MTMR7: variants seen among roughly 807,000 people sequenced by gnomAD.
The protein encoded by MTMR7 is phosphatidylinositol-3-phosphate phosphatase MTMR7.
In MTMR7, 76 loss-of-function variants were observed where a neutral mutation model predicts 81.2. The ratio of observed to expected loss-of-function variants is 0.94; its 90% confidence interval spans 0.78 to 1.13. The LOEUF is 1.13. Ranked by LOEUF, MTMR7 falls within the 50% of genes most tolerant of loss-of-function variation. The pLI is 0.00. For synonymous variants in MTMR7, 372 were observed against 289.8 expected (o/e 1.28, Z -2.88); for missense variants, 1,044 against 820.0 (o/e 1.27, Z -3.34).
intron 5 of MTMR7, among the ~76,000 whole-genome samples, chr8:17,343,261 TACTAAAAATACAACAA>T (rs909931736): frequency 2.0e-5 from 3 of 151,946 alleles, no homozygotes; most frequent in African/African-American, 7.3e-5. Flanking sequence ...ACCCCATCAC[TACTAAAAATACAACAA>T]ACATTAGGTG....
intron 10 of MTMR7, among the ~76,000 whole-genome samples, chr8:17,308,502 T>C (rs1817611854): frequency 6.6e-6 from 1 of 152,216 alleles, no homozygotes; most frequent in African/African-American, 2.4e-5. Flanking sequence ...ACTTGAGCAG[T>C]TGCATGCATT....
At chr8:17,314,428 ATGGGGAAGG>A (rs984023939) in intron 7 of MTMR7, among the ~76,000 whole-genome samples, 1 of 152,198 alleles carries the variant, frequency 6.6e-6, no homozygotes, top group Non-Finnish European at 1.5e-5. Flanking sequence ...CATTTTTAAA[ATGGGGAAGG>A]TGTATAAATT....
intron 3 of MTMR7, among the ~76,000 whole-genome samples, chr8:17,366,532 A>G (rs1820228432): frequency 6.6e-6 from 1 of 152,168 alleles, no homozygotes; most frequent in African/African-American, 2.4e-5. Flanking sequence ...TTTAATAACC[A>G]AAGTAACTAC....
chr8:17,404,528 T>C (rs188305263), intron 1 of MTMR7, among the ~76,000 whole-genome samples: 21 of 150,112 alleles, frequency 1.4e-4, no homozygotes, highest in Middle Eastern at 3.4e-3. Flanking sequence ...TTACAAACAA[T>C]TGCAAAAAAT....
At chr8:17,401,976 G>C (rs1272856988) in intron 1 of MTMR7, among the ~76,000 whole-genome samples, 2 of 152,018 alleles carry the variant, frequency 1.3e-5, no homozygotes, top group African/African-American at 4.8e-5. Flanking sequence ...ATTTTATAGG[G>C]TTATTTTTTA....
At position 17,348,971 on chromosome 8, in the gene MTMR7, G is replaced by T. The variant is rs758452565; in HGVS notation, c.579C>A (p.Tyr193Ter). ...GACTTACGTGGTTATCTTTATAATA[G>T]TAAGAAAGGACAGGAAATCGCCGTC... Reference protein sequence around the residue: ...RSRRRFPVLSYYYKDNHASIC... With the variant: ...RSRRRFPVLS The change falls in exon 5 of 14, where the codon TAC (tyrosine) becomes TAA (stop). Residue 193 changes from tyrosine to a stop codon, truncating the protein, a stop_gained. Coordinates refer to ENST00000180173, the MANE Select transcript of MTMR7 (RefSeq NM_004686.5). LOFTEE classifies it high-confidence loss of function. The T allele has an allele frequency of 2.5e-6, 4 of 1,613,520 alleles. No homozygotes were observed. The East Asian group carries it at 6.7e-5, about 27-fold the overall frequency.
intron 1 of MTMR7, among the ~76,000 whole-genome samples, chr8:17,392,565 T>A (rs925390979): frequency 2.0e-5 from 3 of 152,248 alleles, no homozygotes; most frequent in Non-Finnish European, 4.4e-5. Context: ...CTTTCAGGAA[T>A]CTAGGGCGAT....
intron 1 of MTMR7, among the ~76,000 whole-genome samples, chr8:17,381,071 CA>C (rs907204930): frequency 6.6e-6 from 1 of 151,020 alleles, no homozygotes; most frequent in Non-Finnish European, 1.5e-5. Context: ...TCAGGTTCCG[CA>C]AAAAAAAGCA....
Position 17,308,252 on chromosome 8 carries a change from A to G in MTMR7, c.1151+1025T>C, listed in dbSNP as rs1013515674. Among the ~76,000 whole-genome samples the G allele has an allele frequency of 1.7e-4, 26 of 152,136 alleles. No homozygotes were observed. In the East Asian group the frequency reaches 3.7e-3, roughly 22 times the overall value. On this transcript the variant is annotated intron_variant, in intron 10 of 13. Transcript: ENST00000180173. Reference sequence around the variant, plus strand: ...ATCTAGCTGATCTTCAGTCATTTCCATATTCTTTCTGTCATCTGTCTCCTA... The same window carrying G: ...ATCTAGCTGATCTTCAGTCATTTCCGTATTCTTTCTGTCATCTGTCTCCTA...
chr8:17,348,534 AGT>A (rs1300879522), intron 5 of MTMR7, among the ~76,000 whole-genome samples: 1 of 131,954 alleles, frequency 7.6e-6, no homozygotes, highest in African/African-American at 2.8e-5. Flanking sequence ...CAGGTGACAG[AGT>A]GAGACTCTGT....
At position 17,341,455 on chromosome 8, in the gene MTMR7, C is replaced by A; in HGVS notation, c.640G>T (p.Ala214Ser). 1 of 1,614,110 alleles carries A rather than the reference C, an allele frequency of 6.2e-7. No individual in the cohort carries two copies. The highest frequency in any genetic ancestry group is 1.1e-5 in the South Asian group (1 of 91,078). ...RSSQPLSGFS[A>S]RCLEDEQMLQ... ...ATCTGCTCGTCCTCTAGGCACCGGG[C>A]ACTGAAGCCGGACAGGGGCTGGCTG... is the stretch of plus-strand genomic sequence containing the variant. The change falls in exon 6 of 14, where the codon GCC becomes TCC. Residue 214 changes from alanine (A) to serine (S), a missense_variant. Ala to Ser is a moderately conservative substitution (Grantham distance 99). Coordinates refer to ENST00000180173, the MANE Select transcript of MTMR7 (RefSeq NM_004686.5).
chr8:17,339,378 T>A (rs973634016), intron 6 of MTMR7, among the ~76,000 whole-genome samples: 1 of 152,168 alleles, frequency 6.6e-6, no homozygotes, highest in Non-Finnish European at 1.5e-5. Context: ...TTTAGAATAT[T>A]TCCATCACCC....
At chr8:17,378,556 G>A (rs1184073858) in intron 1 of MTMR7, among the ~76,000 whole-genome samples, 1 of 152,138 alleles carries the variant, frequency 6.6e-6, no homozygotes, top group African/African-American at 2.4e-5. Context: ...GGAGAGCTAA[G>A]ACTAAGGAAA....
intron 7 of MTMR7, among the ~76,000 whole-genome samples, chr8:17,328,751 A>G (rs1422288700): frequency 6.6e-6 from 1 of 152,222 alleles, no homozygotes; most frequent in Non-Finnish European, 1.5e-5. Context: ...GTATCCTCTT[A>G]TTACTTGAGG....
chr8:17,351,965 TG>T lies in MTMR7; in HGVS notation c.469-2885del, dbSNP rs572577800. ...GAAAGGAATTAAAGACACAAGTAAA[TG>T]GTAAGATACCTGTGTTCATGCACTG... On this transcript the variant is annotated intron_variant, in intron 4 of 13. Coordinates refer to ENST00000180173, the MANE Select transcript of MTMR7 (RefSeq NM_004686.5). Among the ~76,000 whole-genome samples, 305 of 152,266 alleles carry T rather than the reference TG, an allele frequency of 2.0e-3. 1 individual carries two copies. Among genetic ancestry groups the T allele is most frequent in the Middle Eastern group, 6.8e-3 (2 of 294 alleles).
At chr8:17,327,248 A>G (rs7843473) in intron 7 of MTMR7, among the ~76,000 whole-genome samples, 19,952 of 152,158 alleles carry the variant, frequency 0.13, 1,833 homozygotes, top group Non-Finnish European at 0.2. Context: ...ATAAAACACT[A>G]CTATCAACAT....
At chr8:17,384,945 A>G (rs546696791) in intron 1 of MTMR7, among the ~76,000 whole-genome samples, 3 of 152,314 alleles carry the variant, frequency 2.0e-5, no homozygotes, top group African/African-American at 7.2e-5. Flanking sequence ...ACATAACCAG[A>G]AGTAACAGAG....
chr8:17,305,906 C>T lies in MTMR7; in HGVS notation c.1203G>A (p.Gln401=), dbSNP rs769745507. 3.9e-5 allele frequency: 63 copies of T among 1,613,624 alleles called. 2 individuals carry two copies. In the South Asian group the frequency reaches 6.8e-4, roughly 17 times the overall value. Residue 401 remains glutamine, a synonymous_variant, in exon 11 of 14, where the codon CAG becomes CAA. Coordinates refer to ENST00000180173, the MANE Select transcript of MTMR7 (RefSeq NM_004686.5). ...TTAACTGCCAAACACACTCAATGAA[C>T]TGGTCAATAACTGGAGAGATTTCTT... The part of the protein sequence containing the change: ...DPKEISPVID[Q]FIECVWQLME...
chr8:17,316,711 G>T (rs183747529), intron 7 of MTMR7, among the ~76,000 whole-genome samples: 1 of 152,078 alleles, frequency 6.6e-6, no homozygotes, highest in Non-Finnish European at 1.5e-5. Flanking sequence ...CCAGTGTAAC[G>T]ACTATTTACA....
Sources: allele counts gnomAD v4.1 joint callset (sites outside exome capture counted in the v4.1 genomes callset), GRCh38; gene constraint gnomAD v4.1.1; transcripts MANE v1.5; gene names NCBI Gene and HGNC (gene_info 2026-07-23, HGNC 2026-07-21).